The following ADAM7 variants were observed in gnomAD, a reference collection of about 807,000 sequenced individuals.
ADAM7 encodes disintegrin and metalloproteinase domain-containing protein 7.
Under a neutral mutation model 102.9 loss-of-function variants are expected in ADAM7, and 97 were observed. The ratio of observed to expected loss-of-function variants is 0.94; its 90% CI spans 0.80 to 1.12. The LOEUF is 1.12. Ranked by LOEUF, ADAM7 falls within the 50% of genes most tolerant of loss-of-function variation. The pLI is 0.00. For missense variants in ADAM7, 991 were observed against 908.7 expected, an observed-to-expected ratio of 1.09 and a Z score of -1.16; for synonymous variants, 334 against 304.4, an observed-to-expected ratio of 1.10 and a Z score of -1.01.
intron 19 of ADAM7, among the ~76,000 whole-genome samples, chr8:24,501,143 T>C (rs909719734): frequency 1.7e-4 from 26 of 152,174 alleles, no homozygotes; most frequent in African/African-American, 6.3e-4. Context: ...GTTGAAGACA[T>C]TGTGATTTAA....
intron 16 of ADAM7, among the ~76,000 whole-genome samples, chr8:24,497,783 TA>T (rs1820610217): frequency 1.3e-5 from 2 of 152,020 alleles, no homozygotes; most frequent in South Asian, 4.1e-4. Flanking sequence ...ATGTCAAAAA[TA>T]AAGAATACAT....
intron 21 of ADAM7, 30 bp from the exon 22 acceptor site, chr8:24,508,516 A>G (rs1481000944): frequency 6.2e-7 from 1 of 1,607,336 alleles, no homozygotes; most frequent in Non-Finnish European, 8.5e-7. Context: ...ATAGGAAACA[A>G]TCTATTTTTA....
chr8:24,495,072 T>C (rs1254503039), intron 16 of ADAM7, among the ~76,000 whole-genome samples: 1 of 152,136 alleles, frequency 6.6e-6, no homozygotes, highest in East Asian at 1.9e-4. Context: ...CCCAGTGTCA[T>C]GAAAGTATGT....
At chr8:24,458,564 ATCT>A (rs1049911476) in intron 3 of ADAM7, among the ~76,000 whole-genome samples, 5 of 152,092 alleles carry the variant, frequency 3.3e-5, no homozygotes, top group Non-Finnish European at 5.9e-5. Context: ...GTACTTAGAA[ATCT>A]TCTAGGAAAT....
chr8:24,483,650 A>C (rs73223153), intron 9 of ADAM7, among the ~76,000 whole-genome samples: 10,689 of 152,222 alleles, frequency 0.07, 466 homozygotes, highest in Admixed American at 0.11. Context: ...ATATCGCCAG[A>C]GGCATAGTTG....
intron 2 of ADAM7, among the ~76,000 whole-genome samples, chr8:24,443,050 AAAGT>A (rs1381208671): frequency 1.3e-5 from 2 of 152,230 alleles, no homozygotes; most frequent in Non-Finnish European, 2.9e-5. Flanking sequence ...ATTACTTTCA[AAAGT>A]AACGAATGCT....
rs1819147307 is a variant in ADAM7 at position 24,459,152 on chromosome 8, A to T, written c.234-4730A>T. Among the ~76,000 whole-genome samples, 6 of 152,070 alleles carry T rather than the reference A, an allele frequency of 3.9e-5. No homozygotes were observed. In the South Asian group the frequency reaches 1.2e-3, roughly 31 times the overall value. ...ATGTGCCTTGAGCATATTTGTGTGT[A>T]TGTGTAGGAAAGAGGTTTTATAACC... On this transcript the variant is annotated intron_variant, in intron 3 of 21. Coordinates refer to ENST00000175238, the MANE Select transcript of ADAM7 (RefSeq NM_003817.4).
intron 21 of ADAM7, 35 bp downstream of exon 21, chr8:24,507,570 T>C: frequency 6.5e-7 from 1 of 1,543,032 alleles, no homozygotes; most frequent in Non-Finnish European, 9.0e-7. Flanking sequence ...CTCCCTTTTT[T>C]ATTTTTCAAA....
chr8:24,504,505 T>C (rs1820883277), intron 20 of ADAM7, among the ~76,000 whole-genome samples: 1 of 152,106 alleles, frequency 6.6e-6, no homozygotes, highest in African/African-American at 2.4e-5. Context: ...TTTAAAATGA[T>C]GAAACTGCCC....
intron 21 of ADAM7, among the ~76,000 whole-genome samples, chr8:24,507,904 A>G (rs1821006263): frequency 6.6e-6 from 1 of 152,172 alleles, no homozygotes; most frequent in South Asian, 2.1e-4. Context: ...AATGTTGGGA[A>G]TCACAGAAAA....
At position 24,509,243 on chromosome 8, in the gene ADAM7, A is replaced by G; in HGVS notation, c.*697A>G. ...CAAGAATTTCAGAAAATTTACTCCAAGTGAGAGGACATACTCACAACTCCT... is the reference window on the plus strand; with the variant it reads ...CAAGAATTTCAGAAAATTTACTCCAGGTGAGAGGACATACTCACAACTCCT... On this transcript the variant is annotated 3_prime_UTR_variant, in exon 22 of 22. Coordinates refer to ENST00000175238, the MANE Select transcript of ADAM7 (RefSeq NM_003817.4). 1 of 985,470 alleles carries G rather than the reference A, an allele frequency of 1.0e-6. No homozygotes were observed. The highest frequency in any genetic ancestry group is 1.2e-6 in the Non-Finnish European group (1 of 829,990). The allele number at this position is 985,470 out of a possible 1,614,324, so 61.0% of individuals were successfully genotyped here.
intron 3 of ADAM7, among the ~76,000 whole-genome samples, chr8:24,454,363 G>A (rs540327809): frequency 1.1e-4 from 16 of 152,286 alleles, no homozygotes; most frequent in South Asian, 8.3e-4. Flanking sequence ...AATGGCGGGC[G>A]CCCCTCCCCC....
At chr8:24,478,301 T>G (rs756213251) in intron 8 of ADAM7, among the ~76,000 whole-genome samples, 1 of 152,148 alleles carries the variant, frequency 6.6e-6, no homozygotes, top group Admixed American at 6.6e-5. Flanking sequence ...TGCCACACAG[T>G]GCTCTCTCGG....
chr8:24,442,427 G>GA, intron 1 of ADAM7, 46 bp from the exon 2 acceptor site: 1 of 1,320,656 alleles, frequency 7.6e-7, no homozygotes, highest in Non-Finnish European at 1.1e-6. Flanking sequence ...CGCTGTAGAC[G>GA]AATGTTAATG....
At chr8:24,495,228 A>G (rs1820514546) in intron 16 of ADAM7, among the ~76,000 whole-genome samples, 2 of 152,198 alleles carry the variant, frequency 1.3e-5, no homozygotes, top group Non-Finnish European at 2.9e-5. Flanking sequence ...CAGAATACAA[A>G]TGAGCCACTC....
chr8:24,475,714 T>C (rs1585890341), intron 7 of ADAM7, among the ~76,000 whole-genome samples: 3 of 152,090 alleles, frequency 2.0e-5, no homozygotes, highest in Admixed American at 2.0e-4. Flanking sequence ...GAAAGGCAGG[T>C]TAATTTCTTA....
chr8:24,508,990 G>A lies in ADAM7; in HGVS notation c.*444G>A. ...ACATGACATCATTAGCACTAATTCT[G>A]GTTTAAATGAAAGTCCTGCAGAAAT... On this transcript the variant is annotated 3_prime_UTR_variant, in exon 22 of 22. Transcript: ENST00000175238. 1.0e-6 allele frequency: 1 copy of A among 994,648 alleles called. No homozygotes were observed. The highest frequency in any genetic ancestry group is 1.2e-6 in the Non-Finnish European group (1 of 836,120). The allele number at this position is 994,648 out of a possible 1,614,324, so 61.6% of individuals were successfully genotyped here. A position where few individuals can be genotyped will look rare whatever the true frequency, so the allele number is the denominator to read the frequency against.
chr8:24,476,484 A>T lies in ADAM7; in HGVS notation c.685A>T (p.Met229Leu). 1 of 1,609,100 alleles carries T rather than the reference A, an allele frequency of 6.2e-7. No homozygotes were observed. Residue 229 changes from methionine to leucine, a missense_variant, in exon 8 of 22, where the codon ATG becomes TTG. Physicochemically the swap from Met to Leu is conservative, Grantham distance 15. Transcript: ENST00000175238. ...TAAACTAAGGAACCGAATTTGGGGAATGGTCAATTTTGTCAACATGGTAAG... is the reference window on the plus strand; with the variant it reads ...TAAACTAAGGAACCGAATTTGGGGATTGGTCAATTTTGTCAACATGGTAAG... ...HNKLRNRIWG[M>L]VNFVNMIYKT...
intron 3 of ADAM7, among the ~76,000 whole-genome samples, chr8:24,460,014 G>A (rs1337842285): frequency 2.6e-5 from 4 of 151,122 alleles, no homozygotes; most frequent in Admixed American, 6.6e-5. Flanking sequence ...ATTTCTTCTG[G>A]GATTTCTTCT....
Sources: allele counts gnomAD v4.1 joint callset (sites outside exome capture counted in the v4.1 genomes callset), GRCh38; gene constraint gnomAD v4.1.1; transcripts MANE v1.5; gene names NCBI Gene and HGNC (gene_info 2026-07-23, HGNC 2026-07-21).